Variants in ARFIP1 observed in about 807,000 individuals in gnomAD.
ARFIP1 encodes the protein ARF interacting protein 1.
Under a neutral mutation model 42.5 loss-of-function variants are expected in ARFIP1, and 24 were observed. The observed-to-expected ratio is 0.57, with a 90% CI of 0.41 to 0.80. The LOEUF is 0.80. Among genes scored for constraint, ARFIP1 ranks in the 30% least tolerant of loss-of-function variants. ARFIP1 has a pLI of 0.00. For missense variants in ARFIP1, 354 were observed against 434.0 expected (o/e 0.82, Z 1.64); for synonymous variants, 141 against 153.7 (o/e 0.92, Z 0.61).
intron 1 of ARFIP1, among the ~76,000 whole-genome samples, chr4:152,826,929 C>T (rs570008275): frequency 4.6e-5 from 7 of 152,144 alleles, no homozygotes; most frequent in Admixed American, 1.3e-4. Flanking sequence ...TAGCCAATCA[C>T]GAAAAGATAA....
chr4:152,794,456 T>A (rs1385627445), intron 1 of ARFIP1, among the ~76,000 whole-genome samples: 1 of 152,216 alleles, frequency 6.6e-6, no homozygotes, highest in Non-Finnish European at 1.5e-5. Flanking sequence ...TGTGTCTTTC[T>A]TAGTGCATTG....
At chr4:152,886,244 C>T (rs1023282894) in intron 7 of ARFIP1, among the ~76,000 whole-genome samples, 1 of 151,996 alleles carries the variant, frequency 6.6e-6, no homozygotes, top group Non-Finnish European at 1.5e-5. Context: ...CCACCAGGGT[C>T]ATCTTTCTAT....
At chr4:152,908,769 C>T (rs369625194) in intron 8 of ARFIP1, among the ~76,000 whole-genome samples, 15 of 152,104 alleles carry the variant, frequency 9.9e-5, no homozygotes, top group East Asian at 3.9e-4. Flanking sequence ...GCCCTTGAAG[C>T]GCTCCCTAGA....
At chr4:152,841,129 G>A (rs1297515094) in intron 2 of ARFIP1, among the ~76,000 whole-genome samples, 9 of 151,538 alleles carry the variant, frequency 5.9e-5, no homozygotes, top group Non-Finnish European at 1.2e-4. Context: ...TCCACCTCCC[G>A]GGTTCAAGTG....
chr4:152,886,983 A>C (rs1338096708), intron 7 of ARFIP1, among the ~76,000 whole-genome samples: 1 of 151,988 alleles, frequency 6.6e-6, no homozygotes, highest in African/African-American at 2.4e-5. Context: ...TCATATATAC[A>C]ATATAGATTA....
intron 5 of ARFIP1, among the ~76,000 whole-genome samples, chr4:152,877,868 G>C (rs974291298): frequency 6.6e-6 from 1 of 152,166 alleles, no homozygotes; most frequent in Non-Finnish European, 1.5e-5. Flanking sequence ...CCACCACCAT[G>C]TAAGAAGTGC....
chr4:152,875,236 A>G (rs1735221257), intron 5 of ARFIP1, among the ~76,000 whole-genome samples: 2 of 152,224 alleles, frequency 1.3e-5, no homozygotes, highest in South Asian at 4.1e-4. Context: ...TTTATTCACA[A>G]AATTTGAATC....
At chr4:152,906,098 G>A (rs986136517) in intron 8 of ARFIP1, among the ~76,000 whole-genome samples, 1 of 152,050 alleles carries the variant, frequency 6.6e-6, no homozygotes, top group African/African-American at 2.4e-5. Context: ...CTTTAGCCCT[G>A]ACACTTGGGC....
At chr4:152,836,001 C>G (rs1731619587) in intron 2 of ARFIP1, among the ~76,000 whole-genome samples, 1 of 152,094 alleles carries the variant, frequency 6.6e-6, no homozygotes, top group Non-Finnish European at 1.5e-5. Flanking sequence ...GGGGATGGTC[C>G]TAAACCATTC....
chr4:152,884,107 T>C (rs1233211785), intron 7 of ARFIP1, among the ~76,000 whole-genome samples: 1 of 152,028 alleles, frequency 6.6e-6, no homozygotes, highest in African/African-American at 2.4e-5. Flanking sequence ...GAAGAGATGC[T>C]TCTGTCCCAT....
intron 1 of ARFIP1, among the ~76,000 whole-genome samples, chr4:152,828,016 CT>C (rs1730975316): frequency 6.6e-6 from 1 of 152,154 alleles, no homozygotes; most frequent in African/African-American, 2.4e-5. Flanking sequence ...TCCTCCATGT[CT>C]TTTTGTGACT....
At chr4:152,855,950 G>A (rs899680592) in intron 2 of ARFIP1, among the ~76,000 whole-genome samples, 27 of 152,186 alleles carry the variant, frequency 1.8e-4, no homozygotes, top group African/African-American at 6.5e-4. Context: ...CTTTTCTGTT[G>A]GATTCCAGTG....
intron 1 of ARFIP1, among the ~76,000 whole-genome samples, chr4:152,782,904 C>G (rs775871897): frequency 6.6e-6 from 1 of 151,956 alleles, no homozygotes; most frequent in Non-Finnish European, 1.5e-5. Context: ...TTGAAGAGAC[C>G]TATACAGCTC....
chr4:152,812,188 T>C (rs979618363), intron 1 of ARFIP1, among the ~76,000 whole-genome samples: 2 of 152,228 alleles, frequency 1.3e-5, no homozygotes, highest in East Asian at 3.8e-4. Flanking sequence ...TTGCAGTATC[T>C]TCTGCCTTTT....
At chr4:152,785,095 C>T (rs564806898) in intron 1 of ARFIP1, among the ~76,000 whole-genome samples, 1 of 152,246 alleles carries the variant, frequency 6.6e-6, no homozygotes, top group East Asian at 1.9e-4. Flanking sequence ...AGAGCCAGGC[C>T]CTCCTTGGTT....
intron 1 of ARFIP1, among the ~76,000 whole-genome samples, chr4:152,828,249 TATGTAA>T: frequency 6.6e-6 from 1 of 152,238 alleles, no homozygotes; most frequent in Non-Finnish European, 1.5e-5. Context: ...TGCTGAATCA[TATGTAA>T]GAGTATGTTT....
chr4:152,823,016 AC>A (rs1730517589), intron 1 of ARFIP1, among the ~76,000 whole-genome samples: 1 of 152,170 alleles, frequency 6.6e-6, no homozygotes, highest in African/African-American at 2.4e-5. Context: ...AACAAATCAA[AC>A]CCAAAGCTAG....
At chr4:152,848,342 G>T (rs142041088) in intron 2 of ARFIP1, among the ~76,000 whole-genome samples, 1 of 152,142 alleles carries the variant, frequency 6.6e-6, no homozygotes, top group Admixed American at 6.5e-5. Context: ...GTTTATTCAC[G>T]TAAGAACGAG....
chr4:152,877,220 A>C (rs942484915), intron 5 of ARFIP1, among the ~76,000 whole-genome samples: 2 of 152,138 alleles, frequency 1.3e-5, no homozygotes. Flanking sequence ...ACGCCAGCCC[A>C]TGAGAGCAGC....
Sources: gnomAD v4.1 joint callset for allele counts (sites outside exome capture counted in the v4.1 genomes callset) on GRCh38, gnomAD v4.1.1 for gene constraint, MANE v1.5 for transcripts, NCBI Gene and HGNC (gene_info 2026-07-23, HGNC 2026-07-21) for gene names.